ARMC9: variants seen among roughly 807,000 people sequenced by gnomAD.
ARMC9 encodes the protein lisH domain-containing protein ARMC9.
Under a neutral mutation model 107.0 loss-of-function variants are expected in ARMC9, and 94 were observed. The ratio of observed to expected loss-of-function variants is 0.88; its 90% CI spans 0.74 to 1.04. The LOEUF (loss-of-function observed/expected upper bound fraction) is 1.04, where lower values mean the gene tolerates loss of function less well. Among genes scored for constraint, ARMC9 ranks in the 50% least tolerant of loss-of-function variants. ARMC9 has a pLI of 0.00. For missense variants in ARMC9, 942 were observed against 1,030.1 expected (o/e 0.91, Z 1.17); for synonymous variants, 380 against 396.9 (o/e 0.96, Z 0.51).
chr2:231,333,779 C>T (rs938625293), intron 20 of ARMC9, among the ~76,000 whole-genome samples: 3 of 152,214 alleles, frequency 2.0e-5, no homozygotes, highest in Non-Finnish European at 2.9e-5. Flanking sequence ...CAGACAGACA[C>T]GCAGGCACGT....
At chr2:231,371,229 C>CG (rs1377416720) in intron 24 of ARMC9, among the ~76,000 whole-genome samples, 5 of 152,238 alleles carry the variant, frequency 3.3e-5, no homozygotes, top group Non-Finnish European at 7.3e-5. Flanking sequence ...AGCGTGGCCA[C>CG]GGTGTGGACA....
At chr2:231,322,299 C>T (rs933127656) in intron 19 of ARMC9, among the ~76,000 whole-genome samples, 3 of 152,244 alleles carry the variant, frequency 2.0e-5, no homozygotes, top group Non-Finnish European at 4.4e-5. Context: ...GCCTGGTCAC[C>T]TCAGTCCACC....
At chr2:231,286,446 T>C (rs930209023) in intron 17 of ARMC9, among the ~76,000 whole-genome samples, 1 of 152,226 alleles carries the variant, frequency 6.6e-6, no homozygotes, top group African/African-American at 2.4e-5. Context: ...GTCAGCACAG[T>C]CCTTCTGGAA....
chr2:231,237,220 A>T (rs2035802578), intron 8 of ARMC9, among the ~76,000 whole-genome samples: 1 of 150,570 alleles, frequency 6.6e-6, no homozygotes. Flanking sequence ...ACACATGCGT[A>T]CAGCATTTGT....
At chr2:231,245,681 A>G (rs1407220456) in intron 9 of ARMC9, among the ~76,000 whole-genome samples, 1 of 152,078 alleles carries the variant, frequency 6.6e-6, no homozygotes, top group Admixed American at 6.5e-5. Context: ...TATTTTCTTT[A>G]TCTTCTAGAG....
intron 22 of ARMC9, among the ~76,000 whole-genome samples, chr2:231,356,151 G>A (rs941046989): frequency 3.3e-5 from 5 of 152,190 alleles, no homozygotes; most frequent in Non-Finnish European, 7.3e-5. Flanking sequence ...ACTGCCTGTT[G>A]TCCCGTCTGG....
Position 231,256,616 on chromosome 2 carries a change from C to A in ARMC9, c.910C>A (p.Pro304Thr). 1 of 1,613,948 alleles carries A rather than the reference C, an allele frequency of 6.2e-7. No individual in the cohort carries two copies. The highest frequency in any genetic ancestry group is 1.7e-5 in the Admixed American group (1 of 60,012). Residue 304 changes from proline to threonine, a missense_variant, in exon 10 of 25, where the codon CCC (proline) becomes ACC (threonine). Transcript: ENST00000611582. ...ASTMLRASLA[P>T]VKLKDVPLLP... The stretch of plus-strand genomic sequence containing the variant: ...CACCATGTTACGAGCCTCCTTGGCA[C>A]CCGTGTAAGTAACTGCTCTTAGGAA...
intron 21 of ARMC9, among the ~76,000 whole-genome samples, chr2:231,352,303 AT>A (rs527917929): frequency 2.2e-4 from 32 of 144,998 alleles, no homozygotes; most frequent in Admixed American, 2.8e-4. Context: ...CACTGCTAGG[AT>A]TTTTTTTTTT....
rs1440861155 is a variant in ARMC9, at chr2:231,371,726, C to T, written c.*191C>T. On this transcript the variant is annotated 3_prime_UTR_variant, in exon 25 of 25. Coordinates refer to ENST00000611582, the MANE Select transcript of ARMC9 (RefSeq NM_001352754.2). ...GCCCCGCCAGCCGGGTCACTTTCTC[C>T]CAGGGCAGAGCCACCAAGGAGGGCT... The T allele has an allele frequency of 1.4e-5, 7 of 509,850 alleles. No individual in the cohort carries two copies. The highest frequency in any genetic ancestry group is 2.0e-5 in the African/African-American group (1 of 50,568). The allele number at this position is 509,850 out of a possible 1,614,324, so 31.6% of individuals were successfully genotyped here.
rs752253204 is a variant in ARMC9 at position 231,259,006 on chromosome 2, C to T, written c.930C>T (p.Val310=). 1 of 1,613,656 alleles carries T rather than the reference C, an allele frequency of 6.2e-7. No homozygotes were observed. The highest frequency in any genetic ancestry group is 8.5e-7 in the Non-Finnish European group (1 of 1,179,628). The change falls in exon 11 of 25, where the codon GTC becomes GTT. Residue 310 remains valine (V), a synonymous_variant. Transcript: ENST00000611582. ...TGCTGAGTAGGAAATTGAAGGATGTCCCATTACTGCCCTCCTTGGATTATG... is the reference window on the plus strand; with the variant it reads ...TGCTGAGTAGGAAATTGAAGGATGTTCCATTACTGCCCTCCTTGGATTATG... ...ASLAPVKLKD[V]PLLPSLDYEK... is the part of the protein sequence containing the mutation.
intron 21 of ARMC9, among the ~76,000 whole-genome samples, chr2:231,350,655 C>T (rs1034890179): frequency 6.6e-6 from 1 of 151,334 alleles, no homozygotes; most frequent in African/African-American, 2.4e-5. Context: ...AAAGAAACTT[C>T]ATATGTTCAA....
At chr2:231,278,192 A>T (rs866874915) in intron 15 of ARMC9, among the ~76,000 whole-genome samples, 190 bp from the exon 16 acceptor site, 13 of 152,160 alleles carry the variant, frequency 8.5e-5, no homozygotes, top group African/African-American at 3.1e-4. Flanking sequence ...TATGAATAGT[A>T]ATCCCTGTAG....
In ARMC9 at chr2:231,360,452, A is replaced by G. The variant is rs1316568908; in HGVS notation, c.2132-302A>G. ...CGCCTAGCCATGGCCCAGGGAGACA[A>G]TTTGTTGTTCTGAGGGCTTTCCAGA... On this transcript the variant is annotated intron_variant, in intron 22 of 24. Coordinates refer to ENST00000611582, the MANE Select transcript of ARMC9 (RefSeq NM_001352754.2). This position sits in a 1 kb window ranked among gnomAD's most constrained non-coding sequence, Gnocchi z 4.7. Among the ~76,000 whole-genome samples, 1 of 152,146 alleles carries G rather than the reference A, an allele frequency of 6.6e-6. No homozygotes were observed. The highest frequency in any genetic ancestry group is 1.5e-5 in the Non-Finnish European group (1 of 68,014).
chr2:231,373,280 T>TGTAG lies in ARMC9; in HGVS notation c.*1746_*1749dup, dbSNP rs1451569552. On this transcript the variant is annotated 3_prime_UTR_variant, in exon 25 of 25. Coordinates refer to ENST00000611582, the MANE Select transcript of ARMC9 (RefSeq NM_001352754.2). The surrounding 1 kb of genome is among the most constrained non-coding windows in gnomAD (Gnocchi z 4.4). ...CCTCCGTGGTGAGACTTTGAAAAGG[T>TGTAG]GTAGAGTGGTTGCAGACAAACAGCA... The TGTAG allele has an allele frequency of 6.6e-6, 1 of 152,176 alleles. No individual in the cohort carries two copies. The highest frequency in any genetic ancestry group is 1.9e-4 in the East Asian group (1 of 5,170). The allele number at this position is 152,176 out of a possible 1,614,324, so 9.4% of individuals were successfully genotyped here.
intron 18 of ARMC9, chr2:231,294,065 AC>A (rs1280294466): frequency 6.6e-6 from 1 of 151,778 alleles, no homozygotes; most frequent in Non-Finnish European, 1.5e-5. Flanking sequence ...AAACTTGAAA[AC>A]ATCTCTGTGG....
Position 231,375,905 on chromosome 2 carries a change from C to T in ARMC9, c.*4370C>T, listed in dbSNP as rs1413194960. Among the ~76,000 whole-genome samples the T allele has an allele frequency of 2.6e-5, 4 of 152,172 alleles. No homozygotes were observed. The highest frequency in any genetic ancestry group is 4.4e-5 in the Non-Finnish European group (3 of 68,028). ...CAGGGACCCCAAACGGAGGGACTGG[C>T]TGAAGCCATGACAGAAGAACGTGGA... On this transcript the variant is annotated 3_prime_UTR_variant, in exon 25 of 25. Coordinates refer to ENST00000611582, the MANE Select transcript of ARMC9 (RefSeq NM_001352754.2). The surrounding 1 kb of genome is among the most constrained non-coding windows in gnomAD (Gnocchi z 4.3).
At position 231,371,698 on chromosome 2, in the gene ARMC9, G is replaced by T. The variant is rs1386933415; in HGVS notation, c.*163G>T. The T allele has an allele frequency of 1.0e-5, 7 of 679,104 alleles. No homozygotes were observed. Among genetic ancestry groups the T allele is most frequent in the Non-Finnish European group, 1.2e-5 (6 of 483,398 alleles). The allele number at this position is 679,104 out of a possible 1,614,324, so 42.1% of individuals were successfully genotyped here. A position where few individuals can be genotyped will look rare whatever the true frequency, so the allele number is the denominator to read the frequency against. On this transcript the variant is annotated 3_prime_UTR_variant, in exon 25 of 25. Coordinates refer to ENST00000611582, the MANE Select transcript of ARMC9 (RefSeq NM_001352754.2). Reference sequence around the variant, plus strand: ...CAGGCAGCACCAGAGCAAGGCCATCGCAGCCCCGCCAGCCGGGTCACTTTC... The same window carrying T: ...CAGGCAGCACCAGAGCAAGGCCATCTCAGCCCCGCCAGCCGGGTCACTTTC...
At chr2:231,236,080 AC>A (rs1482984719) in intron 8 of ARMC9, among the ~76,000 whole-genome samples, 1 of 152,182 alleles carries the variant, frequency 6.6e-6, no homozygotes, top group Admixed American at 6.5e-5. Context: ...GAGCCATCAC[AC>A]CCAGCCTCTA....
chr2:231,231,545 A>G lies in ARMC9; in HGVS notation c.623-3679A>G, dbSNP rs370995845. On this transcript the variant is annotated intron_variant, in intron 7 of 24. Coordinates refer to ENST00000611582, the MANE Select transcript of ARMC9 (RefSeq NM_001352754.2). The stretch of plus-strand genomic sequence containing the variant: ...ATTACAGGCGCATGCCACCATGCCC[A>G]GCTAATTTTTGTACTTTTAGTAGAG... Among the ~76,000 whole-genome samples the G allele has an allele frequency of 5.4e-3, 803 of 148,606 alleles. 10 individuals carry two copies. The highest frequency in any genetic ancestry group is 0.019 in the African/African-American group (770 of 40,254).
Sources: gnomAD v4.1 joint callset for allele counts (sites outside exome capture counted in the v4.1 genomes callset) on GRCh38, gnomAD v4.1.1 for gene constraint, Gnocchi (gnomAD v3.1) non-coding constraint, MANE v1.5 for transcripts, NCBI Gene and HGNC (gene_info 2026-07-23, HGNC 2026-07-21) for gene names.